Variants in ANO2 observed in about 807,000 individuals in gnomAD.
The protein encoded by ANO2 is anoctamin 2.
A neutral mutation model predicts 124.2 loss-of-function variants in ANO2; 101 were observed. The ratio of observed to expected loss-of-function variants is 0.81; its 90% CI spans 0.69 to 0.96. The LOEUF is 0.96. ANO2 is among the 40% of genes least tolerant of loss of function. The probability of loss-of-function intolerance (pLI) is 0.00; values close to 1 mark genes in which losing one functional copy is unlikely to be tolerated. For missense variants in ANO2, 1,293 were observed against 1,274.5 expected (o/e 1.01, Z -0.22); for synonymous variants, 486 against 482.5 (o/e 1.01, Z -0.09).
chr12:5,610,027 TATTATAG>T (rs1944411338), intron 19 of ANO2, among the ~76,000 whole-genome samples: 1 of 138,470 alleles, frequency 7.2e-6, no homozygotes, highest in African/African-American at 2.7e-5. Flanking sequence ...AATATATTTA[TATTATAG>T]ATAAATATAA....
chr12:5,831,100 T>C (rs1388786954), intron 5 of ANO2, among the ~76,000 whole-genome samples: 7 of 152,136 alleles, frequency 4.6e-5, no homozygotes, highest in Non-Finnish European at 8.8e-5. Context: ...ACTCAGAAAA[T>C]AGCACATGGG....
At chr12:5,653,135 G>A (rs1355131674) in intron 14 of ANO2, among the ~76,000 whole-genome samples, 1 of 152,210 alleles carries the variant, frequency 6.6e-6, no homozygotes, top group Non-Finnish European at 1.5e-5. Context: ...AGTGGAACTG[G>A]ATTTGGGCTT....
intron 14 of ANO2, among the ~76,000 whole-genome samples, chr12:5,692,467 T>C (rs1034115041): frequency 2.6e-5 from 4 of 152,174 alleles, no homozygotes; most frequent in Non-Finnish European, 5.9e-5. Flanking sequence ...TTCAAGAATA[T>C]GTATATACTC....
intron 3 of ANO2, among the ~76,000 whole-genome samples, chr12:5,918,153 C>A (rs527307987): frequency 4.6e-5 from 7 of 152,260 alleles, no homozygotes; most frequent in African/African-American, 1.2e-4. Flanking sequence ...CTCAGCAGAC[C>A]CCAGCTGGAG....
intron 1 of ANO2, among the ~76,000 whole-genome samples, chr12:5,928,385 GCACTAGTCTACTTTCCTTCCT>G (rs1250507449): frequency 3.0e-4 from 45 of 151,938 alleles, no homozygotes; most frequent in African/African-American, 8.0e-4. Flanking sequence ...CCAGGCTTCT[GCACTAGTCTACTTTCCTTCCT>G]CACTAGTCTA....
At chr12:5,929,365 A>T (rs1202509836) in intron 1 of ANO2, among the ~76,000 whole-genome samples, 7 of 65,186 alleles carry the variant, frequency 1.1e-4, no homozygotes, top group African/African-American at 2.4e-4. Context: ...TTCTTTCCTT[A>T]TTAGTCACTC....
At chr12:5,594,425 A>G (rs1264711973) in intron 20 of ANO2, among the ~76,000 whole-genome samples, 1 of 152,094 alleles carries the variant, frequency 6.6e-6, no homozygotes, top group Non-Finnish European at 1.5e-5. Context: ...TTTTACAACT[A>G]CTTCATATGG....
rs61908423 is a variant in ANO2, at chr12:5,923,090, A to G, written c.23-286T>C. Among the ~76,000 whole-genome samples, 48 of 10,794 alleles carry G rather than the reference A, an allele frequency of 4.4e-3. 8 individuals carry two copies. The highest frequency in any genetic ancestry group is 0.11 in the East Asian group (2 of 18). The allele number at this position is 10,794 out of a possible 152,430, so 7.1% of individuals were successfully genotyped here. The stretch of plus-strand genomic sequence containing the variant: ...CACACACATGCACACATACACACAC[A>G]CACGCACACACATACACACACATGC... On this transcript the variant is annotated intron_variant, in intron 1 of 24. Coordinates refer to ENST00000682330, the MANE Select transcript of ANO2 (RefSeq NM_001364791.2).
intron 14 of ANO2, among the ~76,000 whole-genome samples, chr12:5,695,864 T>C (rs1417718922): frequency 1.3e-5 from 2 of 152,024 alleles, no homozygotes; most frequent in Admixed American, 1.3e-4. Context: ...AATTAATTAA[T>C]AAAATAACCC....
intron 15 of ANO2, 58 bp downstream of exon 15, chr12:5,647,669 C>T: frequency 7.7e-7 from 1 of 1,292,558 alleles, no homozygotes; most frequent in Non-Finnish European, 1.1e-6. Context: ...CCACAGTAGT[C>T]ACATAACAGC....
In ANO2 at chr12:5,578,349, C is replaced by G. The variant is rs748129438; in HGVS notation, c.2386+17G>C. 2.5e-6 allele frequency: 4 copies of G among 1,610,256 alleles called. No homozygotes were observed. In the African/African-American group the frequency reaches 5.3e-5, roughly 22 times the overall value. ...CAGAAGGATGGGCCTGGTGGGGCCT[C>G]TAAGTGGGGCACGTACCGATATCTT... On this transcript the variant is annotated intron_variant, in intron 21 of 24. Transcript: ENST00000682330.
intron 10 of ANO2, among the ~76,000 whole-genome samples, chr12:5,767,961 G>A (rs1329394514): frequency 1.3e-5 from 2 of 152,208 alleles, no homozygotes; most frequent in East Asian, 3.9e-4. Flanking sequence ...AGAACCTCAG[G>A]ATCCTCCAGA....
Position 5,889,731 on chromosome 12 carries a change from G to A in ANO2, c.534+31309C>T, listed in dbSNP as rs138280374. On this transcript the variant is annotated intron_variant, in intron 3 of 24. Coordinates refer to ENST00000682330, the MANE Select transcript of ANO2 (RefSeq NM_001364791.2). The stretch of plus-strand genomic sequence containing the variant: ...CAGGAATGCCAAAGTAGGGCTCTCA[G>A]GTAGAGGGGAAATGAAAGCTTTTAG... Among the ~76,000 whole-genome samples the A allele has an allele frequency of 5.1e-4, 77 of 152,354 alleles. 1 individual carries two copies. The highest frequency in any genetic ancestry group is 1.8e-3 in the African/African-American group (73 of 41,586).
rs553562567 is a variant in ANO2, at chr12:5,749,180, C to G, written c.1190+1656G>C. On this transcript the variant is annotated intron_variant, in intron 11 of 24. Coordinates refer to ENST00000682330, the MANE Select transcript of ANO2 (RefSeq NM_001364791.2). Reference sequence around the variant, plus strand: ...TTCTGCCCACTGATGCACGCATACCCTTCCTAAAATGCACAGTTTCTGGTT... The same window carrying G: ...TTCTGCCCACTGATGCACGCATACCGTTCCTAAAATGCACAGTTTCTGGTT... Among the ~76,000 whole-genome samples, 6 of 152,290 alleles carry G rather than the reference C, an allele frequency of 3.9e-5. No individual in the cohort carries two copies. The East Asian group carries it at 9.6e-4, about 24-fold the overall frequency.
At position 5,787,180 on chromosome 12, in the gene ANO2, ACAAAAAG is replaced by A. The variant is rs1952563975; in HGVS notation, c.1055+12320_1055+12326del. Among the ~76,000 whole-genome samples the A allele has an allele frequency of 6.6e-6, 1 of 152,208 alleles. No individual in the cohort carries two copies. Among genetic ancestry groups the A allele is most frequent in the East Asian group, 1.9e-4 (1 of 5,198 alleles). ...ATAGGAGGAAACCATCCTGTTAGAC[ACAAAAAG>A]CACAATCCCAGTTCCTTTCCAGTGC... is the stretch of plus-strand genomic sequence containing the variant. On this transcript the variant is annotated intron_variant, in intron 10 of 24. Coordinates refer to ENST00000682330, the MANE Select transcript of ANO2 (RefSeq NM_001364791.2). The surrounding 1 kb of genome is among the most constrained non-coding windows in gnomAD (Gnocchi z 4.2).
intron 14 of ANO2, among the ~76,000 whole-genome samples, chr12:5,688,810 C>CTTTTTT (rs36091783): frequency 8.4e-6 from 1 of 119,382 alleles, no homozygotes; most frequent in Non-Finnish European, 1.7e-5. Flanking sequence ...TGGGAGTATC[C>CTTTTTT]TTTTTTTTTT....
intron 15 of ANO2, among the ~76,000 whole-genome samples, chr12:5,643,879 T>A (rs1946506246): frequency 6.6e-6 from 1 of 152,202 alleles, no homozygotes; most frequent in Admixed American, 6.5e-5. Flanking sequence ...TGTACTGAAT[T>A]ACTGTTTTCC....
chr12:5,589,271 C>T (rs962769435), intron 20 of ANO2, among the ~76,000 whole-genome samples: 6 of 152,016 alleles, frequency 3.9e-5, no homozygotes, highest in African/African-American at 7.3e-5. Flanking sequence ...CTGGCTTACT[C>T]GCTAGAAAGG....
chr12:5,609,570 G>C (rs1944383215), intron 19 of ANO2, among the ~76,000 whole-genome samples: 1 of 152,110 alleles, frequency 6.6e-6, no homozygotes, highest in Non-Finnish European at 1.5e-5. Flanking sequence ...AAGACCAAAA[G>C]GGAGCCTTCT....
Sources: allele counts gnomAD v4.1 joint callset (sites outside exome capture counted in the v4.1 genomes callset), GRCh38; gene constraint gnomAD v4.1.1; non-coding constraint Gnocchi (gnomAD v3.1); transcripts MANE v1.5; gene names NCBI Gene and HGNC (gene_info 2026-07-23, HGNC 2026-07-21).